Variants in SLMAP observed in about 807,000 individuals in gnomAD.
SLMAP encodes sarcolemma associated protein.
SLMAP carries 44 observed loss-of-function variants against 128.8 expected under a neutral mutation model. The ratio of observed to expected loss-of-function variants is 0.34; its 90% CI spans 0.27 to 0.44. The LOEUF (loss-of-function observed/expected upper bound fraction) is 0.44. SLMAP is among the 20% of genes least tolerant of loss of function. The pLI is 1.00. For missense variants in SLMAP, 787 were observed against 985.3 expected, an observed-to-expected ratio of 0.80 and a Z score of 2.69; for synonymous variants, 327 against 348.8, an observed-to-expected ratio of 0.94 and a Z score of 0.70.
intron 14 of SLMAP, among the ~76,000 whole-genome samples, chr3:57,882,739 T>C (rs1384529384): frequency 1.3e-5 from 2 of 152,148 alleles, no homozygotes; most frequent in African/African-American, 2.4e-5. Context: ...TCAAGGGACC[T>C]TGTAGGCCAT....
intron 15 of SLMAP, among the ~76,000 whole-genome samples, chr3:57,894,314 A>G (rs2096179464): frequency 6.6e-6 from 1 of 152,210 alleles, no homozygotes; most frequent in Admixed American, 6.5e-5. Flanking sequence ...TTTAATCTAC[A>G]TGGGGTCATA....
intron 2 of SLMAP, among the ~76,000 whole-genome samples, chr3:57,823,357 C>T (rs971504927): frequency 1.2e-4 from 19 of 152,096 alleles, no homozygotes; most frequent in African/African-American, 4.6e-4. Context: ...TCTCCTAATG[C>T]TATCCCTCCC....
chr3:57,759,661 TAACTC>T (rs1222109623), intron 2 of SLMAP, among the ~76,000 whole-genome samples: 1 of 152,228 alleles, frequency 6.6e-6, no homozygotes, highest in Non-Finnish European at 1.5e-5. Flanking sequence ...AGTAGTGCCT[TAACTC>T]AACCAGCTTT....
intron 4 of SLMAP, among the ~76,000 whole-genome samples, chr3:57,842,275 T>G (rs1046438946): frequency 1.3e-5 from 2 of 151,884 alleles, no homozygotes; most frequent in African/African-American, 2.4e-5. Flanking sequence ...ATACTTTTCC[T>G]TGTTTGTTTA....
intron 2 of SLMAP, among the ~76,000 whole-genome samples, chr3:57,810,594 CCT>C (rs2090788219): frequency 6.6e-6 from 1 of 152,174 alleles, no homozygotes; most frequent in South Asian, 2.1e-4. Flanking sequence ...GCCTCTCATT[CCT>C]CTGTGTCCAT....
chr3:57,797,211 G>A (rs1455851027), intron 2 of SLMAP, among the ~76,000 whole-genome samples: 4 of 149,102 alleles, frequency 2.7e-5, no homozygotes, highest in African/African-American at 7.4e-5. Flanking sequence ...AAAGCCAGGT[G>A]TGGTGGCTCA....
intron 17 of SLMAP, among the ~76,000 whole-genome samples, chr3:57,906,311 T>TTTTC (rs2096554685): frequency 1.4e-5 from 1 of 70,258 alleles, no homozygotes; most frequent in South Asian, 5.9e-4. Context: ...TTTTTTTTTC[T>TTTTC]TTTTTTTTTT....
At chr3:57,759,914 G>A (rs978094203) in intron 2 of SLMAP, among the ~76,000 whole-genome samples, 2 of 152,170 alleles carry the variant, frequency 1.3e-5, no homozygotes, top group African/African-American at 4.8e-5. Context: ...AGTAGTGACT[G>A]TTTCATGAAT....
rs191987884 is a variant in SLMAP, at chr3:57,796,573, T to G, written c.199-34810T>G. Among the ~76,000 whole-genome samples the G allele has an allele frequency of 2.3e-4, 35 of 152,332 alleles. 1 individual carries two copies. The East Asian group carries it at 6.7e-3, about 29-fold the overall frequency. On this transcript the variant is annotated intron_variant, in intron 2 of 24. Coordinates refer to ENST00000671191, the MANE Select transcript of SLMAP (RefSeq NM_001377540.1). ...AATATCTGCAAAGCACTTAGAACGA[T>G]TTGGCAACAGTCACCATATAAGTAT...
rs371052762 is a variant in SLMAP, at chr3:57,875,401, G to C, written c.1300+3703G>C. 4.1e-4 allele frequency among the ~76,000 whole-genome samples: 63 copies of C among 152,242 alleles called. 1 individual carries two copies. The highest frequency in any genetic ancestry group is 1.5e-3 in the African/African-American group (62 of 41,544). On this transcript the variant is annotated intron_variant, in intron 14 of 24. Coordinates refer to ENST00000671191, the MANE Select transcript of SLMAP (RefSeq NM_001377540.1). Reference sequence around the variant, plus strand: ...ATGGTGATAACATGCCTGTGTCCCAGCTACTCAGGAGTCTGAAGCAGGAGG... The same window carrying C: ...ATGGTGATAACATGCCTGTGTCCCACCTACTCAGGAGTCTGAAGCAGGAGG...
intron 9 of SLMAP, 141 bp from the exon 10 acceptor site, chr3:57,861,808 C>G (rs1019718269): frequency 1.6e-6 from 1 of 618,872 alleles, no homozygotes; most frequent in African/African-American, 1.9e-5. Flanking sequence ...TTATTTGACT[C>G]AGCTTTATTT....
chr3:57,877,672 C>T (rs1209301373), intron 14 of SLMAP, among the ~76,000 whole-genome samples: 2 of 152,000 alleles, frequency 1.3e-5, no homozygotes, highest in African/African-American at 4.8e-5. Flanking sequence ...CAGATTTTCT[C>T]CCATTATAAC....
intron 2 of SLMAP, among the ~76,000 whole-genome samples, chr3:57,775,793 G>A (rs1453312338): frequency 1.3e-5 from 2 of 151,998 alleles, no homozygotes; most frequent in Non-Finnish European, 2.9e-5. Flanking sequence ...TCTGCCTCCC[G>A]GGTTCAAGTG....
chr3:57,771,242 A>G (rs1344794297), intron 2 of SLMAP, among the ~76,000 whole-genome samples: 1 of 147,748 alleles, frequency 6.8e-6, no homozygotes, highest in Non-Finnish European at 1.5e-5. Context: ...AGAGAGAGAG[A>G]GGGAGAGAGA....
At chr3:57,904,800 G>A (rs940299558) in intron 17 of SLMAP, among the ~76,000 whole-genome samples, 12 of 152,152 alleles carry the variant, frequency 7.9e-5, no homozygotes, top group African/African-American at 2.2e-4. Context: ...GAATCTAGTC[G>A]ATAGAGACCA....
chr3:57,893,477 A>T (rs924093646), intron 15 of SLMAP, among the ~76,000 whole-genome samples: 2 of 151,964 alleles, frequency 1.3e-5, no homozygotes, highest in Non-Finnish European at 2.9e-5. Flanking sequence ...CTCTGCCATC[A>T]GGGAGTTATA....
At chr3:57,855,032 A>G (rs187022770) in intron 6 of SLMAP, among the ~76,000 whole-genome samples, 7 of 152,346 alleles carry the variant, frequency 4.6e-5, no homozygotes, top group Admixed American at 2.6e-4. Flanking sequence ...TTGTAACACA[A>G]TAGTATTCGT....
At chr3:57,822,635 A>T (rs1210518972) in intron 2 of SLMAP, among the ~76,000 whole-genome samples, 1 of 152,114 alleles carries the variant, frequency 6.6e-6, no homozygotes, top group African/African-American at 2.4e-5. Flanking sequence ...CAGCCAGGTG[A>T]TGGTTGCCTG....
At chr3:57,810,258 G>A (rs549931445) in intron 2 of SLMAP, among the ~76,000 whole-genome samples, 8 of 152,176 alleles carry the variant, frequency 5.3e-5, no homozygotes, top group Non-Finnish European at 1.0e-4. Context: ...ACAGTGGTCC[G>A]ACCCCATGCT....
Sources: gnomAD v4.1 joint callset for allele counts (sites outside exome capture counted in the v4.1 genomes callset) on GRCh38, gnomAD v4.1.1 for gene constraint, MANE v1.5 for transcripts, NCBI Gene and HGNC (gene_info 2026-07-23, HGNC 2026-07-21) for gene names.